The following PRIMPOL variants were observed in gnomAD, a reference collection of about 807,000 sequenced individuals.
The protein encoded by PRIMPOL is DNA-directed primase/polymerase protein.
PRIMPOL carries 54 observed loss-of-function variants against 63.6 expected under a neutral mutation model. The ratio of observed to expected loss-of-function variants is 0.85; its 90% confidence interval spans 0.68 to 1.07. The LOEUF is 1.07. PRIMPOL is among the 50% of genes least tolerant of loss of function. The probability of loss-of-function intolerance (pLI) is 0.00; values close to 1 mark genes in which losing one functional copy is unlikely to be tolerated. For missense variants in PRIMPOL, 610 were observed against 648.3 expected (o/e 0.94, Z 0.64); for synonymous variants, 197 against 220.2 (o/e 0.89, Z 0.93).
intron 3 of PRIMPOL, among the ~76,000 whole-genome samples, chr4:184,658,035 T>TAAAAAAAA (rs1553988171): frequency 2.7e-5 from 4 of 147,050 alleles, no homozygotes; most frequent in South Asian, 2.1e-4. Flanking sequence ...AATAAATAAA[T>TAAAAAAAA]ATCACTAAAT....
At chr4:184,658,098 G>A (rs1747099206) in intron 3 of PRIMPOL, among the ~76,000 whole-genome samples, 1 of 151,174 alleles carries the variant, frequency 6.6e-6, no homozygotes, top group Non-Finnish European at 1.5e-5. Context: ...GCACTGTGGG[G>A]AATGTAAAGA....
In PRIMPOL at chr4:184,694,733, TG is replaced by T. The variant is rs1480269638; in HGVS notation, c.1639del (p.Asp547MetfsTer7). The T allele has an allele frequency of 1.9e-6, 3 of 1,611,542 alleles. No individual in the cohort carries two copies. In the African/African-American group the frequency reaches 4.0e-5, roughly 22 times the overall value. ...ENSLLSYNSE[V>X]DEIPDELIIE... The stretch of plus-strand genomic sequence containing the variant: ...AGTCTTCTCAGTTATAACAGTGAAG[TG>T]GATGAAATTCCTGATGAACTAATTA... On this transcript the variant is annotated frameshift_variant, in exon 14 of 14. Transcript: ENST00000314970. LOFTEE classifies it high-confidence loss of function.
At chr4:184,676,361 C>CTCCTTTCCCTTCCCTTCCCT (rs1386972104) in intron 7 of PRIMPOL, among the ~76,000 whole-genome samples, 1 of 109,856 alleles carries the variant, frequency 9.1e-6, no homozygotes, top group Non-Finnish European at 1.9e-5. Flanking sequence ...TCCTTCCCTT[C>CTCCTTTCCCTTCCCTTCCCT]TCCTTTCCCT....
At chr4:184,694,105 C>CT in intron 13 of PRIMPOL, 1 of 467,878 alleles carries the variant, frequency 2.1e-6, no homozygotes, top group African/African-American at 2.1e-5. Context: ...TGTTTTTAAT[C>CT]TTTTTTCAAT....
Position 184,693,857 on chromosome 4 carries a change from CAG to C in PRIMPOL, c.1426-664_1426-663del, listed in dbSNP as rs374806533. Among the ~76,000 whole-genome samples the C allele has an allele frequency of 4.2e-3, 642 of 152,170 alleles. 4 individuals are homozygous for C. The highest frequency in any genetic ancestry group is 0.013 in the African/African-American group (547 of 41,498). ...AGACATTCTGTAGCTTTTTTAATGA[CAG>C]GGGGGTATCATGTTGCCCGGGCTGG... is the stretch of plus-strand genomic sequence containing the variant. On this transcript the variant is annotated intron_variant, in intron 13 of 13. Coordinates refer to ENST00000314970, the MANE Select transcript of PRIMPOL (RefSeq NM_152683.4).
chr4:184,669,077 A>G (rs1382210976), intron 6 of PRIMPOL, among the ~76,000 whole-genome samples: 11 of 152,092 alleles, frequency 7.2e-5, no homozygotes, highest in Non-Finnish European at 1.6e-4. Flanking sequence ...CCTCCTTACC[A>G]TTCGTGCATT....
chr4:184,694,679 A>ATGCTGAATTAGCTGAAGC lies in PRIMPOL; in HGVS notation c.1587_1604dup (p.Leu531_Glu536dup). On this transcript the variant is annotated inframe_insertion, in exon 14 of 14. Transcript: ENST00000314970. ...GCTTATTTTTTAGAAGCTACTGAAG[A>ATGCTGAATTAGCTGAAGC]TGCTGAATTAGCTGAAGCTGCAGAG... is the stretch of plus-strand genomic sequence containing the variant. 6.2e-7 allele frequency: 1 copy of ATGCTGAATTAGCTGAAGC among 1,614,156 alleles called. No individual in the cohort carries two copies. The highest frequency in any genetic ancestry group is 8.5e-7 in the Non-Finnish European group (1 of 1,179,976).
At chr4:184,673,333 G>T (rs1363402515) in intron 7 of PRIMPOL, among the ~76,000 whole-genome samples, 5 of 151,368 alleles carry the variant, frequency 3.3e-5, no homozygotes, top group Admixed American at 2.0e-4. Flanking sequence ...GTTTCACCGT[G>T]TTAGCCAAGA....
chr4:184,690,791 T>G (rs923180599), intron 11 of PRIMPOL, among the ~76,000 whole-genome samples: 1 of 152,264 alleles, frequency 6.6e-6, no homozygotes, highest in African/African-American at 2.4e-5. Context: ...AAGGTGACTT[T>G]AGCTGCATTT....
At chr4:184,682,402 G>A in intron 9 of PRIMPOL, 66 bp downstream of exon 9, 2 of 857,984 alleles carry the variant, frequency 2.3e-6, no homozygotes, top group Non-Finnish European at 3.9e-6. Flanking sequence ...AGGCTGGAGT[G>A]CAGTGGTGCG....
intron 2 of PRIMPOL, among the ~76,000 whole-genome samples, chr4:184,656,752 C>T (rs1205821240): frequency 6.6e-6 from 1 of 152,118 alleles, no homozygotes; most frequent in Non-Finnish European, 1.5e-5. Context: ...TTACATGAGG[C>T]TTTGTAATTT....
At chr4:184,680,602 A>G (rs1013571033) in intron 8 of PRIMPOL, among the ~76,000 whole-genome samples, 2 of 152,190 alleles carry the variant, frequency 1.3e-5, no homozygotes, top group Non-Finnish European at 2.9e-5. Context: ...AGGAGGGTGG[A>G]AGATGGATTG....
At chr4:184,655,622 C>A (rs1004881012) in intron 2 of PRIMPOL, among the ~76,000 whole-genome samples, 2 of 152,116 alleles carry the variant, frequency 1.3e-5, no homozygotes, top group African/African-American at 4.8e-5. Flanking sequence ...GCCTGGCCCC[C>A]TTTCTTAATC....
chr4:184,658,736 G>A (rs1175259955), intron 3 of PRIMPOL, among the ~76,000 whole-genome samples: 5 of 152,006 alleles, frequency 3.3e-5, no homozygotes, highest in African/African-American at 9.6e-5. Context: ...GTGAAACCTC[G>A]TCTCTACTAA....
At chr4:184,669,508 GTCA>G (rs1439601833) in intron 6 of PRIMPOL, among the ~76,000 whole-genome samples, 1 of 152,238 alleles carries the variant, frequency 6.6e-6, no homozygotes, top group East Asian at 1.9e-4. Flanking sequence ...CCGTGTACTG[GTCA>G]TCGTCTGCTC....
intron 7 of PRIMPOL, among the ~76,000 whole-genome samples, chr4:184,675,772 A>G (rs1200399228): frequency 1.3e-5 from 2 of 152,092 alleles, no homozygotes; most frequent in African/African-American, 2.4e-5. Flanking sequence ...AGCCGAGATC[A>G]TACCACTGCA....
chr4:184,685,278 A>G, intron 9 of PRIMPOL, 131 bp from the exon 10 acceptor site: 1 of 656,808 alleles, frequency 1.5e-6, no homozygotes, highest in Non-Finnish European at 2.7e-6. Flanking sequence ...ACATGAATTG[A>G]CTGAAATTGC....
chr4:184,667,952 C>T (rs541047826), intron 6 of PRIMPOL, among the ~76,000 whole-genome samples: 89 of 152,192 alleles, frequency 5.8e-4, no homozygotes, highest in African/African-American at 1.4e-3. Flanking sequence ...GGCTGGCTGC[C>T]GGTACTTAGA....
At chr4:184,689,076 G>A (rs950403669) in intron 11 of PRIMPOL, among the ~76,000 whole-genome samples, 3 of 151,786 alleles carry the variant, frequency 2.0e-5, no homozygotes, top group East Asian at 1.9e-4. Context: ...ACAGGGTCTC[G>A]CCCTGTCGCC....
Sources: allele counts gnomAD v4.1 joint callset (sites outside exome capture counted in the v4.1 genomes callset), GRCh38; gene constraint gnomAD v4.1.1; transcripts MANE v1.5; gene names NCBI Gene and HGNC (gene_info 2026-07-23, HGNC 2026-07-21).